GRAMD1C: variants seen among roughly 807,000 people sequenced by gnomAD.
GRAMD1C encodes GRAM domain containing 1C, also known as protein Aster-C.
In GRAMD1C, 89 loss-of-function variants were observed where a neutral mutation model predicts 97.8. The ratio of observed to expected loss-of-function variants is 0.91; its 90% CI spans 0.77 to 1.09. The LOEUF (loss-of-function observed/expected upper bound fraction) is 1.09. GRAMD1C is among the 50% of genes least tolerant of loss of function. GRAMD1C has a pLI of 0.00. For missense variants in GRAMD1C, 740 were observed against 766.4 expected, an observed-to-expected ratio of 0.97 and a Z score of 0.41; for synonymous variants, 256 against 267.0, an observed-to-expected ratio of 0.96 and a Z score of 0.40.
chr3:113,870,581 A>C (rs1934763333), intron 3 of GRAMD1C, among the ~76,000 whole-genome samples: 1 of 152,146 alleles, frequency 6.6e-6, no homozygotes, highest in Admixed American at 6.6e-5. Context: ...AAAAGAGTGG[A>C]ATTGGGATGT....
chr3:113,898,021 C>A (rs1211706878), intron 6 of GRAMD1C, among the ~76,000 whole-genome samples: 1 of 152,062 alleles, frequency 6.6e-6, no homozygotes, highest in African/African-American at 2.4e-5. Flanking sequence ...ATTGGCAAAT[C>A]TACAAGATGG....
chr3:113,859,936 G>A (rs1036109438), intron 2 of GRAMD1C, among the ~76,000 whole-genome samples: 1 of 152,172 alleles, frequency 6.6e-6, no homozygotes, highest in Non-Finnish European at 1.5e-5. Flanking sequence ...AAAGCTAATT[G>A]TAATTCTATA....
intron 6 of GRAMD1C, among the ~76,000 whole-genome samples, chr3:113,890,287 C>T (rs1450685282): frequency 6.6e-6 from 1 of 152,160 alleles, no homozygotes; most frequent in East Asian, 1.9e-4. Flanking sequence ...AGTCCAAGCC[C>T]CTGCTGAGTG....
chr3:113,914,442 T>A (rs1936725709), intron 9 of GRAMD1C, among the ~76,000 whole-genome samples: 1 of 152,254 alleles, frequency 6.6e-6, no homozygotes, highest in Admixed American at 6.5e-5. Context: ...AGAGTTTTTC[T>A]GATCCATAGA....
At chr3:113,856,184 A>G (rs1934120524) in intron 2 of GRAMD1C, among the ~76,000 whole-genome samples, 1 of 152,102 alleles carries the variant, frequency 6.6e-6, no homozygotes, top group East Asian at 1.9e-4. Flanking sequence ...CACCCTGCCC[A>G]GCTGGAATTT....
At chr3:113,856,523 TTATGTATGTATG>T (rs10660348) in intron 2 of GRAMD1C, among the ~76,000 whole-genome samples, 23 of 150,804 alleles carry the variant, frequency 1.5e-4, no homozygotes, top group African/African-American at 5.6e-4. Context: ...ATTTATTTCT[TTATGTATGTATG>T]TATGTATGTA....
chr3:113,904,610 G>GTT (rs199523688), intron 8 of GRAMD1C, among the ~76,000 whole-genome samples: 6 of 146,760 alleles, frequency 4.1e-5, no homozygotes, highest in African/African-American at 1.5e-4. Context: ...GAAAGAATCT[G>GTT]TTTTTTTTTT....
chr3:113,889,906 G>C (rs925545673), intron 6 of GRAMD1C, among the ~76,000 whole-genome samples: 1 of 152,120 alleles, frequency 6.6e-6, no homozygotes, highest in African/African-American at 2.4e-5. Context: ...CCAAAGTACT[G>C]GGATTACTGG....
intron 6 of GRAMD1C, chr3:113,885,667 G>T (rs1181445697): frequency 1.7e-5 from 25 of 1,514,704 alleles, no homozygotes; most frequent in Non-Finnish European, 2.3e-5. Flanking sequence ...GTGAGCCAGT[G>T]GTACGAGCTG....
intron 1 of GRAMD1C, among the ~76,000 whole-genome samples, chr3:113,832,069 G>A (rs1407025772): frequency 2.0e-5 from 3 of 149,206 alleles, no homozygotes; most frequent in Non-Finnish European, 2.9e-5. Flanking sequence ...TTACTCTGTC[G>A]CTCAGGCTGG....
intron 4 of GRAMD1C, chr3:113,875,933 T>G (rs772379858): frequency 5.5e-5 from 24 of 438,836 alleles, no homozygotes; most frequent in Non-Finnish European, 8.8e-5. Context: ...TTTCAAACTT[T>G]ATACTAATGT....
intron 17 of GRAMD1C, among the ~76,000 whole-genome samples, chr3:113,943,978 G>C (rs1449292167): frequency 2.0e-5 from 3 of 152,140 alleles, no homozygotes; most frequent in African/African-American, 7.2e-5. Flanking sequence ...TGGCCCAAAT[G>C]CTCCAGGGCT....
chr3:113,934,671 G>A, intron 13 of GRAMD1C, 136 bp downstream of exon 13: 1 of 537,296 alleles, frequency 1.9e-6, no homozygotes, highest in Non-Finnish European at 3.3e-6. Flanking sequence ...GGTTCCCACT[G>A]TCCCACTTTT....
chr3:113,919,003 GA>G (rs1314421708), intron 10 of GRAMD1C, among the ~76,000 whole-genome samples: 1 of 152,180 alleles, frequency 6.6e-6, no homozygotes, highest in Non-Finnish European at 1.5e-5. Context: ...GGTATTTCTT[GA>G]GATCGAGTTT....
At chr3:113,834,845 C>T (rs1709612644), upstream of GRAMD1C, among the ~76,000 whole-genome samples, 2 of 149,044 alleles carry the variant, frequency 1.3e-5, no homozygotes, top group South Asian at 4.2e-4. Context: ...GAGGCTGGGA[C>T]AGGAGAATCG....
intron 5 of GRAMD1C, among the ~76,000 whole-genome samples, chr3:113,876,867 G>GA (rs1397725476): frequency 4.0e-5 from 6 of 150,270 alleles, no homozygotes; most frequent in Non-Finnish European, 7.4e-5. Flanking sequence ...AAAGGAAAGA[G>GA]AAAAAAAGAG....
intron 14 of GRAMD1C, among the ~76,000 whole-genome samples, chr3:113,937,452 A>G (rs1359438608): frequency 1.3e-5 from 2 of 152,178 alleles, no homozygotes; most frequent in African/African-American, 4.8e-5. Context: ...TTGGAGAGAT[A>G]TTTGCTTATT....
chr3:113,841,281 C>CTTTTTTTT (rs1269088707), intron 1 of GRAMD1C, among the ~76,000 whole-genome samples: 3 of 17,544 alleles, frequency 1.7e-4, no homozygotes, highest in South Asian at 4.5e-3. Context: ...TTCTTTCTTT[C>CTTTTTTTT]TTTCTTTTTT....
intron 9 of GRAMD1C, among the ~76,000 whole-genome samples, chr3:113,910,762 G>A (rs1936538106): frequency 6.6e-6 from 1 of 152,146 alleles, no homozygotes; most frequent in Non-Finnish European, 1.5e-5. Context: ...GAAGAATGAG[G>A]TGGACTTACC....
Sources: allele counts gnomAD v4.1 joint callset (sites outside exome capture counted in the v4.1 genomes callset), GRCh38; gene constraint gnomAD v4.1.1; transcripts MANE v1.5; gene names NCBI Gene and HGNC (gene_info 2026-07-23, HGNC 2026-07-21).